The following ATXN10 variants were observed in gnomAD, a reference collection of about 807,000 sequenced individuals.
The protein encoded by ATXN10 is ataxin 10.
Under a neutral mutation model 52.9 loss-of-function variants are expected in ATXN10, and 28 were observed. That is an observed-to-expected ratio of 0.53 (90% CI 0.39 to 0.73). ATXN10 has a LOEUF of 0.73. ATXN10 is among the 30% of genes least tolerant of loss of function. The pLI, the probability that ATXN10 is intolerant of heterozygous loss-of-function variation, is 0.00. For synonymous variants in ATXN10, 226 were observed against 221.5 expected, an observed-to-expected ratio of 1.02 and a Z score of -0.18; for missense variants, 565 against 577.0, an observed-to-expected ratio of 0.98 and a Z score of 0.21.
intron 9 of ATXN10, among the ~76,000 whole-genome samples, chr22:45,797,102 G>GA (rs1252471662): frequency 3.3e-5 from 5 of 152,214 alleles, no homozygotes; most frequent in South Asian, 2.1e-4. Flanking sequence ...ACACCTGAAA[G>GA]AAAAAATCGA....
intron 7 of ATXN10, among the ~76,000 whole-genome samples, chr22:45,731,280 G>T (rs1193650324): frequency 6.6e-6 from 1 of 152,206 alleles, no homozygotes; most frequent in African/African-American, 2.4e-5. Flanking sequence ...TCTGTAGCAG[G>T]CCAGATATAT....
chr22:45,792,186 T>C (rs1927537186), intron 9 of ATXN10, among the ~76,000 whole-genome samples: 1 of 152,226 alleles, frequency 6.6e-6, no homozygotes, highest in South Asian at 2.1e-4. Flanking sequence ...ATAGAAATTA[T>C]TCTGAAAGAA....
At position 45,844,820 on chromosome 22, in the gene ATXN10, T is replaced by C. The variant is rs1352124470; in HGVS notation, c.*1149T>C. ...AAAATAAAGACCTGTCCAAAAGTTTTGACAAAAATACTGATTGCTCCCAAA... is the reference window on the plus strand; with the variant it reads ...AAAATAAAGACCTGTCCAAAAGTTTCGACAAAAATACTGATTGCTCCCAAA... On this transcript the variant is annotated 3_prime_UTR_variant, in exon 12 of 12. Transcript: ENST00000252934. 6.6e-6 allele frequency: 1 copy of C among 152,268 alleles called. No homozygotes were observed. Among genetic ancestry groups the C allele is most frequent in the Non-Finnish European group, 1.5e-5 (1 of 68,040 alleles). 9.4% of individuals were successfully genotyped at this position (152,268 alleles called of 1,614,324 possible). A position where few individuals can be genotyped will look rare whatever the true frequency, so the allele number is the denominator to read the frequency against.
intron 8 of ATXN10, among the ~76,000 whole-genome samples, chr22:45,739,766 A>G (rs1290746433): frequency 2.0e-5 from 3 of 152,146 alleles, no homozygotes; most frequent in African/African-American, 7.2e-5. Context: ...TAAATGAGAT[A>G]ATGTGGAAAC....
chr22:45,808,456 G>T (rs1928174980), intron 10 of ATXN10, among the ~76,000 whole-genome samples: 1 of 152,210 alleles, frequency 6.6e-6, no homozygotes, highest in Non-Finnish European at 1.5e-5. Flanking sequence ...CGAGCACATT[G>T]TAGGCCTACA....
At chr22:45,694,783 G>GA (rs951625780) in intron 3 of ATXN10, among the ~76,000 whole-genome samples, 26 of 139,862 alleles carry the variant, frequency 1.9e-4, no homozygotes, top group Admixed American at 5.0e-4. Context: ...ATTCTGTCTC[G>GA]AAAAAAAAAA....
rs1369313548 is a variant in ATXN10 at position 45,789,620 on chromosome 22, T to C, written c.1174-17339T>C. On this transcript the variant is annotated intron_variant, in intron 9 of 11. Transcript: ENST00000252934. The surrounding 1 kb of genome is among the most constrained non-coding windows in gnomAD (Gnocchi z 4.0). ...GGGTTAGTATGTTAATACAGCTCTC[T>C]CCACGACAAGAAGAAGAGAGGGAGA... Among the ~76,000 whole-genome samples, 1 of 152,216 alleles carries C rather than the reference T, an allele frequency of 6.6e-6. No homozygotes were observed. The highest frequency in any genetic ancestry group is 1.9e-4 in the East Asian group (1 of 5,192).
chr22:45,842,732 T>C lies in ATXN10; in HGVS notation c.1238-259T>C, dbSNP rs928791395. ...CTTCCTTGTTCATTCATTCAACAAA[T>C]ACTGAGTAAATCTCTCTGGGTGCCC... On this transcript the variant is annotated intron_variant, in intron 10 of 11. Coordinates refer to ENST00000252934, the MANE Select transcript of ATXN10 (RefSeq NM_013236.4). The surrounding 1 kb of genome is among the most constrained non-coding windows in gnomAD (Gnocchi z 4.8). 6.6e-6 allele frequency among the ~76,000 whole-genome samples: 1 copy of C among 152,216 alleles called. No homozygotes were observed. The highest frequency in any genetic ancestry group is 1.5e-5 in the Non-Finnish European group (1 of 68,030).
Position 45,839,817 on chromosome 22 carries a change from A to AT in ATXN10, c.1238-3173dup, listed in dbSNP as rs1419219302. Among the ~76,000 whole-genome samples, 3 of 152,276 alleles carry AT rather than the reference A, an allele frequency of 2.0e-5. No homozygotes were observed. The East Asian group carries it at 5.8e-4, about 29-fold the overall frequency. ...GTTGCATTTATATCGGTTTACTTTC[A>AT]TCTAATCTCTCAAACCCTAAAAAGC... On this transcript the variant is annotated intron_variant, in intron 10 of 11. Transcript: ENST00000252934.
intron 3 of ATXN10, among the ~76,000 whole-genome samples, chr22:45,697,324 G>A (rs1488952511): frequency 3.3e-5 from 5 of 151,870 alleles, no homozygotes; most frequent in Admixed American, 2.0e-4. Context: ...TAGTAGAGAT[G>A]GAGTTTCACC....
In ATXN10 at chr22:45,790,731, A is replaced by G. The variant is rs760962534; in HGVS notation, c.1174-16228A>G. Among the ~76,000 whole-genome samples the G allele has an allele frequency of 6.6e-6, 1 of 152,198 alleles. No homozygotes were observed. The highest frequency in any genetic ancestry group is 1.5e-5 in the Non-Finnish European group (1 of 68,036). ...CAGTTTCTGTTCAAATAGCCACTGA[A>G]ACATCTACTCTTTTCTACACTTCAC... On this transcript the variant is annotated intron_variant, in intron 9 of 11. Coordinates refer to ENST00000252934, the MANE Select transcript of ATXN10 (RefSeq NM_013236.4). The surrounding 1 kb of genome is among the most constrained non-coding windows in gnomAD (Gnocchi z 4.7).
rs1357019151 is a variant in ATXN10 at position 45,840,813 on chromosome 22, G to C, written c.1238-2178G>C. 2.0e-5 allele frequency among the ~76,000 whole-genome samples: 3 copies of C among 152,196 alleles called. No individual in the cohort carries two copies. The highest frequency in any genetic ancestry group is 7.2e-5 in the African/African-American group (3 of 41,440). On this transcript the variant is annotated intron_variant, in intron 10 of 11. Coordinates refer to ENST00000252934, the MANE Select transcript of ATXN10 (RefSeq NM_013236.4). The surrounding 1 kb of genome is among the most constrained non-coding windows in gnomAD (Gnocchi z 5.8). ...TAATTATATTTAAGTGAATAACCAG[G>C]ACGTTTCAGAAAGGAGTGTTATGCT...
chr22:45,699,908 G>A (rs9614762), intron 3 of ATXN10, among the ~76,000 whole-genome samples: 8,015 of 148,760 alleles, frequency 0.054, 244 homozygotes, highest in African/African-American at 0.08. Context: ...GTGCAGTGGC[G>A]TGATCTTGGC....
chr22:45,687,384 A>C (rs572823207), intron 1 of ATXN10, among the ~76,000 whole-genome samples: 17 of 152,164 alleles, frequency 1.1e-4, no homozygotes, highest in Non-Finnish European at 1.9e-4. Flanking sequence ...GATTGCAAGG[A>C]ATGACTTCAG....
chr22:45,725,065 G>A (rs1212151782), intron 6 of ATXN10, among the ~76,000 whole-genome samples: 1 of 152,116 alleles, frequency 6.6e-6, no homozygotes, highest in Admixed American at 6.5e-5. Context: ...TAGACTTGTA[G>A]TATAATTTGA....
At position 45,691,691 on chromosome 22, in the gene ATXN10, C is replaced by T. The variant is rs563094171; in HGVS notation, c.309-1305C>T. On this transcript the variant is annotated intron_variant, in intron 2 of 11. Coordinates refer to ENST00000252934, the MANE Select transcript of ATXN10 (RefSeq NM_013236.4). ...CGGGTGAATCATGAGGTCAGGAGTT[C>T]GAGACCAGCCTGGCCAGCATGGTGA... Among the ~76,000 whole-genome samples the T allele has an allele frequency of 2.8e-4, 42 of 152,256 alleles. No homozygotes were observed. In the South Asian group the frequency reaches 7.7e-3, roughly 28 times the overall value.
rs117613929 is a variant in ATXN10 at position 45,783,844 on chromosome 22, T to C, written c.1174-23115T>C. 6.4e-3 allele frequency among the ~76,000 whole-genome samples: 969 copies of C among 152,346 alleles called. 8 individuals carry two copies. Among genetic ancestry groups the C allele is most frequent in the South Asian group, 0.015 (71 of 4,818 alleles). ...TGAAAGTGCTGTTGTCATGTTTGTG[T>C]CATGCTGATGGCACGATTCCCGAGG... is the stretch of plus-strand genomic sequence containing the variant. On this transcript the variant is annotated intron_variant, in intron 9 of 11. Coordinates refer to ENST00000252934, the MANE Select transcript of ATXN10 (RefSeq NM_013236.4). This position sits in a 1 kb window ranked among gnomAD's most constrained non-coding sequence, Gnocchi z 5.0.
In ATXN10 at chr22:45,715,101, C is replaced by G. The variant is rs1248745853; in HGVS notation, c.648-3312C>G. Among the ~76,000 whole-genome samples the G allele has an allele frequency of 6.6e-6, 1 of 152,172 alleles. No individual in the cohort carries two copies. Among genetic ancestry groups the G allele is most frequent in the Non-Finnish European group, 1.5e-5 (1 of 68,040 alleles). ...CTTCCTTTACGATGTCTCAGTTCTA[C>G]TATTTTAAGTCCTTGAGGATTTTAT... On this transcript the variant is annotated intron_variant, in intron 5 of 11. Transcript: ENST00000252934. This position sits in a 1 kb window ranked among gnomAD's most constrained non-coding sequence, Gnocchi z 4.4.
At chr22:45,699,181 T>C (rs1284448952) in intron 3 of ATXN10, among the ~76,000 whole-genome samples, 1 of 152,222 alleles carries the variant, frequency 6.6e-6, no homozygotes, top group Non-Finnish European at 1.5e-5. Context: ...GTTGGGATTT[T>C]TGAGGGTCTT....
Sources: allele counts gnomAD v4.1 joint callset (sites outside exome capture counted in the v4.1 genomes callset), GRCh38; gene constraint gnomAD v4.1.1; non-coding constraint Gnocchi (gnomAD v3.1); transcripts MANE v1.5; gene names NCBI Gene and HGNC (gene_info 2026-07-23, HGNC 2026-07-21).